ROBO1: variants seen among roughly 807,000 people sequenced by gnomAD.
The protein encoded by ROBO1 is roundabout guidance receptor 1.
Under a neutral mutation model 195.9 loss-of-function variants are expected in ROBO1, and 149 were observed. The ratio of observed to expected loss-of-function variants is 0.76; its 90% CI spans 0.67 to 0.87. ROBO1 has a LOEUF of 0.87. Ranked by LOEUF, ROBO1 falls within the 40% of genes least tolerant of loss-of-function variation. The probability of loss-of-function intolerance (pLI) is 0.00; values close to 1 mark genes in which losing one functional copy is unlikely to be tolerated. For synonymous variants in ROBO1, 816 were observed against 733.2 expected, an observed-to-expected ratio of 1.11 and a Z score of -1.82; for missense variants, 1,933 against 2,068.3, an observed-to-expected ratio of 0.93 and a Z score of 1.27.
chr3:78,845,722 C>G (rs1307988274), intron 4 of ROBO1, among the ~76,000 whole-genome samples: 1 of 152,142 alleles, frequency 6.6e-6, no homozygotes, highest in Non-Finnish European at 1.5e-5. Context: ...TGGGGAACCC[C>G]CGGAGGGGAA....
intron 2 of ROBO1, among the ~76,000 whole-genome samples, chr3:79,485,443 A>T (rs147483601): frequency 2.0e-5 from 3 of 152,330 alleles, no homozygotes; most frequent in African/African-American, 7.2e-5. Context: ...AATAAAAACC[A>T]TACATAGTTC....
intron 2 of ROBO1, among the ~76,000 whole-genome samples, chr3:79,174,627 C>T (rs1459803125): frequency 6.6e-6 from 1 of 151,852 alleles, no homozygotes. Flanking sequence ...ATTTTCCTCA[C>T]AGTGATAGCA....
At chr3:79,336,888 G>C (rs753302591) in intron 2 of ROBO1, among the ~76,000 whole-genome samples, 3 of 152,176 alleles carry the variant, frequency 2.0e-5, no homozygotes, top group African/African-American at 7.2e-5. Flanking sequence ...CAGTATGACC[G>C]GAATGTGAGA....
At chr3:79,120,022 T>C (rs556982007) in intron 3 of ROBO1, among the ~76,000 whole-genome samples, 113 of 152,298 alleles carry the variant, frequency 7.4e-4, no homozygotes, top group African/African-American at 2.4e-3. Context: ...TCCATCCACC[T>C]TGGCTTCCCA....
chr3:79,726,945 T>C (rs952141693), intron 1 of ROBO1, among the ~76,000 whole-genome samples: 24 of 152,212 alleles, frequency 1.6e-4, no homozygotes, highest in Non-Finnish European at 3.1e-4. Context: ...CATCTCATAG[T>C]CTTAGGTTTG....
chr3:79,757,959 A>T (rs142493709), intron 1 of ROBO1, among the ~76,000 whole-genome samples: 1 of 152,318 alleles, frequency 6.6e-6, no homozygotes, highest in East Asian at 1.9e-4. Context: ...TTGATGGTTC[A>T]CATTGTCATT....
chr3:79,763,605 C>T (rs960849688), intron 1 of ROBO1, among the ~76,000 whole-genome samples: 25 of 152,096 alleles, frequency 1.6e-4, no homozygotes, highest in African/African-American at 3.6e-4. Flanking sequence ...CTGAAACTGA[C>T]GTACTGGATC....
chr3:79,041,893 A>G (rs1026236684), intron 3 of ROBO1, among the ~76,000 whole-genome samples: 2 of 152,184 alleles, frequency 1.3e-5, no homozygotes, highest in African/African-American at 4.8e-5. Context: ...AAATAAAGAA[A>G]GACATAATTT....
At position 79,344,494 on chromosome 3, in the gene ROBO1, A is replaced by G. The variant is rs527246656; in HGVS notation, c.89-218955T>C. ...TAGTTGAACGCAATAAGTGAATCAC[A>G]TTTGGATTATGGTTTAAAATTAAAA... On this transcript the variant is annotated intron_variant, in intron 2 of 30. Transcript: ENST00000464233. Among the ~76,000 whole-genome samples the G allele has an allele frequency of 7.2e-5, 11 of 152,324 alleles. No homozygotes were observed. The East Asian group carries it at 2.1e-3, about 29-fold the overall frequency.
intron 3 of ROBO1, among the ~76,000 whole-genome samples, chr3:78,997,243 T>A (rs2077389243): frequency 1.3e-5 from 2 of 152,006 alleles, no homozygotes; most frequent in Non-Finnish European, 2.9e-5. Flanking sequence ...TTTTGGGGGG[T>A]GTGGAATAAT....
rs574640754 is a variant in ROBO1, at chr3:78,916,122, C to T, written c.499+22479G>A. On this transcript the variant is annotated intron_variant, in intron 4 of 30. Transcript: ENST00000464233. The stretch of plus-strand genomic sequence containing the variant: ...AAAAATTAGCCGGGTGTGGTGGCGG[C>T]GCCTGTAGTCGCAGCCACTCGGGAG... 2.2e-3 allele frequency among the ~76,000 whole-genome samples: 329 copies of T among 151,290 alleles called. 1 individual carries two copies. Among genetic ancestry groups the T allele is most frequent in the South Asian group, 0.019 (93 of 4,770 alleles).
chr3:79,742,342 T>C (rs1703682604), intron 1 of ROBO1, among the ~76,000 whole-genome samples: 1 of 152,202 alleles, frequency 6.6e-6, no homozygotes, highest in African/African-American at 2.4e-5. Context: ...TTGCAGTCTC[T>C]GGACATAGCG....
intron 2 of ROBO1, among the ~76,000 whole-genome samples, chr3:79,403,606 G>A (rs1319975487): frequency 6.6e-6 from 1 of 151,902 alleles, no homozygotes; most frequent in Admixed American, 6.6e-5. Flanking sequence ...TCTTAGGTGT[G>A]GTTTTACCCT....
Position 79,084,364 on chromosome 3 carries a change from G to A in ROBO1, c.172+41092C>T, listed in dbSNP as rs375130215. ...AAATACAAAATTAGCCGGGCTTGGT[G>A]GCACATGCCTGTAATCCCCGCTACT... On this transcript the variant is annotated intron_variant, in intron 3 of 30. Transcript: ENST00000464233. Among the ~76,000 whole-genome samples the A allele has an allele frequency of 1.4e-4, 21 of 152,244 alleles. No homozygotes were observed. The East Asian group carries it at 4.1e-3, about 30-fold the overall frequency.
chr3:78,713,580 A>T (rs2108045391), intron 8 of ROBO1, among the ~76,000 whole-genome samples: 1 of 152,308 alleles, frequency 6.6e-6, no homozygotes, highest in African/African-American at 2.4e-5. Context: ...AAAAAAAAAT[A>T]GAGGAAAGTT....
intron 10 of ROBO1, among the ~76,000 whole-genome samples, chr3:78,672,947 C>T (rs1012349466): frequency 3.3e-5 from 5 of 152,280 alleles, no homozygotes; most frequent in East Asian, 1.9e-4. Context: ...ATATCTACAA[C>T]AGAAATGTTC....
At chr3:79,311,637 A>C (rs2109095866) in intron 2 of ROBO1, among the ~76,000 whole-genome samples, 1 of 152,148 alleles carries the variant, frequency 6.6e-6, no homozygotes, top group South Asian at 2.1e-4. Context: ...ATAGAGCATT[A>C]AGATTTTATC....
chr3:79,239,389 C>T (rs1292935383), intron 2 of ROBO1, among the ~76,000 whole-genome samples: 1 of 152,126 alleles, frequency 6.6e-6, no homozygotes, highest in East Asian at 1.9e-4. Flanking sequence ...TTCCCTGAAC[C>T]CTGCTCTTGT....
At chr3:79,153,502 A>G (rs1382156084) in intron 2 of ROBO1, among the ~76,000 whole-genome samples, 33 of 151,680 alleles carry the variant, frequency 2.2e-4, no homozygotes. Context: ...TTTGAGTTCA[A>G]ACTGTGTTCT....
Sources: allele counts gnomAD v4.1 joint callset (sites outside exome capture counted in the v4.1 genomes callset), GRCh38; gene constraint gnomAD v4.1.1; transcripts MANE v1.5; gene names NCBI Gene and HGNC (gene_info 2026-07-23, HGNC 2026-07-21).